The following SCHIP1 variants were observed in gnomAD, a reference collection of about 807,000 sequenced individuals.
SCHIP1 encodes the protein schwannomin-interacting protein 1.
In SCHIP1, 8 loss-of-function variants were observed where a neutral mutation model predicts 29.7. The observed-to-expected ratio is 0.27, with a 90% confidence interval of 0.16 to 0.49. The LOEUF is 0.49. Among genes scored for constraint, SCHIP1 ranks in the 20% least tolerant of loss-of-function variants. The pLI, the probability that SCHIP1 is intolerant of heterozygous loss-of-function variation, is 0.99. For synonymous variants in SCHIP1, 76 were observed against 94.9 expected, an observed-to-expected ratio of 0.80 and a Z score of 1.16; for missense variants, 193 against 294.6, an observed-to-expected ratio of 0.66 and a Z score of 2.52.
the SCHIP1 span, among the ~76,000 whole-genome samples, chr3:159,643,798 A>G: frequency 6.6e-6 from 1 of 152,094 alleles, no homozygotes; most frequent in East Asian, 1.9e-4. Context: ...TTTAATGCAT[A>G]ATGAACCTGG....
At chr3:159,558,026 A>G in the SCHIP1 span, among the ~76,000 whole-genome samples, 1 of 152,234 alleles carries the variant, frequency 6.6e-6, no homozygotes, top group African/African-American at 2.4e-5. Flanking sequence ...TCCCCGCCCC[A>G]TTCAAGAACA....
the SCHIP1 span, among the ~76,000 whole-genome samples, chr3:159,457,746 G>A: frequency 6.6e-6 from 1 of 152,024 alleles, no homozygotes; most frequent in Admixed American, 6.6e-5. Context: ...TATATACTAT[G>A]TTATTTCATA....
At chr3:159,553,951 A>C in the SCHIP1 span, among the ~76,000 whole-genome samples, 17 of 148,120 alleles carry the variant, frequency 1.1e-4, no homozygotes, top group Admixed American at 4.0e-4. Context: ...CAGGCTCCTG[A>C]CACCACGCCC....
intron 1 of SCHIP1, among the ~76,000 whole-genome samples, chr3:159,859,981 G>A (rs1713846390): frequency 6.6e-6 from 1 of 151,002 alleles, no homozygotes; most frequent in African/African-American, 2.4e-5. Flanking sequence ...GACAGGGTGT[G>A]TGTGTGTGTG....
chr3:159,544,796 T>C, the SCHIP1 span, among the ~76,000 whole-genome samples: 1 of 152,118 alleles, frequency 6.6e-6, no homozygotes, highest in East Asian at 1.9e-4. Context: ...ATAATGTAGA[T>C]TGCCTTTTCA....
At chr3:159,614,345 C>T in the SCHIP1 span, among the ~76,000 whole-genome samples, 5 of 152,190 alleles carry the variant, frequency 3.3e-5, no homozygotes, top group African/African-American at 1.2e-4. Context: ...CAAAATTATA[C>T]TGTGTCCTAA....
At chr3:159,434,487 A>G in the SCHIP1 span, among the ~76,000 whole-genome samples, 1 of 152,110 alleles carries the variant, frequency 6.6e-6, no homozygotes, top group Non-Finnish European at 1.5e-5. Context: ...CTCTGTTGTC[A>G]GGGTGATAGG....
the SCHIP1 span, among the ~76,000 whole-genome samples, chr3:159,725,016 C>A: frequency 6.6e-6 from 1 of 151,902 alleles, no homozygotes; most frequent in African/African-American, 2.4e-5. Flanking sequence ...TCAGTTATGC[C>A]CCATAATCAT....
the SCHIP1 span, among the ~76,000 whole-genome samples, chr3:159,626,332 A>G: frequency 6.6e-6 from 1 of 151,218 alleles, no homozygotes; most frequent in Non-Finnish European, 1.5e-5. Context: ...GAACAAAAGA[A>G]AAGGAAGCAA....
the SCHIP1 span, among the ~76,000 whole-genome samples, chr3:159,719,846 C>G: frequency 1.3e-5 from 2 of 152,322 alleles, no homozygotes; most frequent in South Asian, 2.1e-4. Context: ...GGATCTAGAA[C>G]TAGAAATACC....
the SCHIP1 span, among the ~76,000 whole-genome samples, chr3:159,435,624 T>TA: frequency 6.6e-6 from 1 of 152,290 alleles, no homozygotes; most frequent in African/African-American, 2.4e-5. Flanking sequence ...GGTTCATTCA[T>TA]AACAGAAGGT....
chr3:159,625,524 TC>T, the SCHIP1 span, among the ~76,000 whole-genome samples: 8 of 152,150 alleles, frequency 5.3e-5, no homozygotes, highest in African/African-American at 1.9e-4. Flanking sequence ...AAATACTAAA[TC>T]TTTTTTCTCT....
chr3:159,273,903 A>C, the SCHIP1 span: 1 of 1,612,778 alleles, frequency 6.2e-7, no homozygotes, highest in Non-Finnish European at 8.5e-7. Flanking sequence ...ACAAATGTCT[A>C]CCATCTATTT....
At chr3:159,397,947 T>A in the SCHIP1 span, among the ~76,000 whole-genome samples, 23 of 152,150 alleles carry the variant, frequency 1.5e-4, no homozygotes, top group Non-Finnish European at 2.6e-4. Flanking sequence ...TGCAGTTTGA[T>A]CTCAGACTGC....
At chr3:159,518,722 T>C in the SCHIP1 span, among the ~76,000 whole-genome samples, 1 of 152,114 alleles carries the variant, frequency 6.6e-6, no homozygotes, top group East Asian at 1.9e-4. Context: ...GGGTCAGAGG[T>C]GGAAGCAGGT....
chr3:159,631,501 ATTAAG>A, the SCHIP1 span, among the ~76,000 whole-genome samples: 1 of 152,222 alleles, frequency 6.6e-6, no homozygotes, highest in African/African-American at 2.4e-5. Context: ...ATAAAAAGGA[ATTAAG>A]TTATGACACA....
chr3:159,414,639 C>A, the SCHIP1 span, among the ~76,000 whole-genome samples: 1 of 152,266 alleles, frequency 6.6e-6, no homozygotes, highest in African/African-American at 2.4e-5. Flanking sequence ...ATGCCCAGTA[C>A]GTATAGATGC....
At chr3:159,380,617 C>G in the SCHIP1 span, among the ~76,000 whole-genome samples, 10 of 152,146 alleles carry the variant, frequency 6.6e-5, no homozygotes, top group Middle Eastern at 3.4e-3. Flanking sequence ...TAGTATATTG[C>G]ATTTATAATA....
the SCHIP1 span, among the ~76,000 whole-genome samples, chr3:159,756,523 G>C: frequency 7.4e-4 from 113 of 152,268 alleles, no homozygotes; most frequent in African/African-American, 2.6e-3. Context: ...TGACGGGAGG[G>C]GCTGCTATGA....
Sources: allele counts gnomAD v4.1 joint callset (sites outside exome capture counted in the v4.1 genomes callset), GRCh38; gene constraint gnomAD v4.1.1; transcripts MANE v1.5; gene names NCBI Gene and HGNC (gene_info 2026-07-23, HGNC 2026-07-21).